The following SYNPR variants were observed in gnomAD, a reference collection of about 807,000 sequenced individuals.
SYNPR encodes synaptoporin.
SYNPR carries 23 observed loss-of-function variants against 32.9 expected under a neutral mutation model. That is an observed-to-expected ratio of 0.70 (90% CI 0.50 to 0.99). The LOEUF is 0.99. Among genes scored for constraint, SYNPR ranks in the 50% least tolerant of loss-of-function variants. SYNPR has a pLI of 0.00. For missense variants in SYNPR, 318 were observed against 349.3 expected (o/e 0.91, Z 0.71); for synonymous variants, 146 against 135.9 (o/e 1.07, Z -0.52).
chr3:63,614,264 A>T (rs994467093), intron 5 of SYNPR, among the ~76,000 whole-genome samples: 2 of 152,232 alleles, frequency 1.3e-5, no homozygotes, highest in African/African-American at 4.8e-5. Flanking sequence ...CTGTTAAAAC[A>T]GACTGCCTGT....
At chr3:63,556,507 C>T in intron 3 of SYNPR, 36 bp from the exon 4 acceptor site, 3 of 1,557,948 alleles carry the variant, frequency 1.9e-6, no homozygotes, top group Non-Finnish European at 2.6e-6. Flanking sequence ...GTCTCCATTG[C>T]ATTTAAAGAA....
At chr3:63,222,168 T>C in the SYNPR span, among the ~76,000 whole-genome samples, 12 of 151,978 alleles carry the variant, frequency 7.9e-5, no homozygotes, top group African/African-American at 2.9e-4. Flanking sequence ...ATTGAGCAAC[T>C]GTAAGCCTAA....
chr3:63,240,708 C>A (rs1249888874), intron 1 of SYNPR, among the ~76,000 whole-genome samples: 1 of 152,116 alleles, frequency 6.6e-6, no homozygotes. Flanking sequence ...AGGGCCATGA[C>A]CTGCACTGTG....
At chr3:63,523,101 G>A (rs1235543548) in intron 3 of SYNPR, among the ~76,000 whole-genome samples, 1 of 152,080 alleles carries the variant, frequency 6.6e-6, no homozygotes, top group Non-Finnish European at 1.5e-5. Context: ...AAAACAGTGG[G>A]AATTAGGGGA....
intron 2 of SYNPR, among the ~76,000 whole-genome samples, chr3:63,347,521 T>C (rs898154028): frequency 1.3e-5 from 2 of 152,154 alleles, no homozygotes; most frequent in Admixed American, 6.5e-5. Flanking sequence ...ACAAGTACAG[T>C]TTTGTTACAT....
At chr3:63,208,817 G>A in the SYNPR span, among the ~76,000 whole-genome samples, 1 of 152,114 alleles carries the variant, frequency 6.6e-6, no homozygotes, top group African/African-American at 2.4e-5. Flanking sequence ...GGCATAGCCG[G>A]TTAGTAAGAA....
chr3:63,239,477 A>C lies in SYNPR; in HGVS notation n.66+11097A>C, dbSNP rs1187841803. Among the ~76,000 whole-genome samples the C allele has an allele frequency of 4.7e-5, 7 of 149,506 alleles. 1 individual carries two copies. The highest frequency in any genetic ancestry group is 3.4e-3 in the Middle Eastern group (1 of 292). ...CATGAGTGCATGGTAGAATGGGCAC[A>C]TGACACACCTGACAATGGTAGAATG... On this transcript the variant is annotated intron_variant and non_coding_transcript_variant, in intron 1 of 4. Coordinates refer to the SYNPR transcript ENST00000478456.
At chr3:63,525,379 C>A (rs533984729) in intron 3 of SYNPR, among the ~76,000 whole-genome samples, 1 of 152,294 alleles carries the variant, frequency 6.6e-6, no homozygotes, top group African/African-American at 2.4e-5. Context: ...CAAATCTCTG[C>A]AGTTGAGGCC....
At chr3:63,603,346 G>T (rs1337571343) in intron 4 of SYNPR, among the ~76,000 whole-genome samples, 2 of 152,096 alleles carry the variant, frequency 1.3e-5, no homozygotes, top group Non-Finnish European at 2.9e-5. Flanking sequence ...TCTTTCTCTT[G>T]CCTGATTGCT....
At chr3:63,339,702 G>A (rs1236353463) in intron 2 of SYNPR, among the ~76,000 whole-genome samples, 3 of 150,742 alleles carry the variant, frequency 2.0e-5, no homozygotes, top group African/African-American at 4.9e-5. Context: ...CTGTCACCCA[G>A]GCTTGAGTGC....
At chr3:63,540,956 C>A (rs999496716) in intron 3 of SYNPR, among the ~76,000 whole-genome samples, 7 of 150,648 alleles carry the variant, frequency 4.6e-5, no homozygotes, top group Admixed American at 2.7e-4. Context: ...CACACACACA[C>A]ACACATATAC....
intron 2 of SYNPR, among the ~76,000 whole-genome samples, chr3:63,452,845 T>C (rs1384432110): frequency 6.6e-6 from 1 of 152,156 alleles, no homozygotes; most frequent in Non-Finnish European, 1.5e-5. Context: ...GTTTATGTCC[T>C]GGTAAATACT....
chr3:63,304,608 A>G (rs976464181), intron 2 of SYNPR, among the ~76,000 whole-genome samples: 2 of 151,968 alleles, frequency 1.3e-5, no homozygotes, highest in African/African-American at 4.8e-5. Flanking sequence ...AAATATCACA[A>G]GTGAGAATCA....
chr3:63,604,964 T>C (rs1053323267), intron 4 of SYNPR, among the ~76,000 whole-genome samples: 3 of 152,228 alleles, frequency 2.0e-5, no homozygotes, highest in African/African-American at 4.8e-5. Flanking sequence ...TAATGTTATA[T>C]ACATCAATAT....
intron 2 of SYNPR, among the ~76,000 whole-genome samples, chr3:63,281,243 G>A (rs574553749): frequency 3.3e-5 from 5 of 152,292 alleles, no homozygotes; most frequent in South Asian, 4.1e-4. Context: ...AGCAAAAATT[G>A]TAAACCGGTA....
At chr3:63,301,409 A>G (rs2086856261) in intron 2 of SYNPR, among the ~76,000 whole-genome samples, 1 of 152,128 alleles carries the variant, frequency 6.6e-6, no homozygotes, top group Admixed American at 6.6e-5. Context: ...AGTCCAAACT[A>G]CAGAACAAAA....
At chr3:63,363,529 T>A (rs1293096431) in intron 2 of SYNPR, among the ~76,000 whole-genome samples, 1 of 152,224 alleles carries the variant, frequency 6.6e-6, no homozygotes, top group Admixed American at 6.5e-5. Flanking sequence ...GTATTCATGA[T>A]CTGGCAGCTG....
At chr3:63,523,999 C>T (rs1701958638) in intron 3 of SYNPR, among the ~76,000 whole-genome samples, 1 of 151,998 alleles carries the variant, frequency 6.6e-6, no homozygotes, top group Non-Finnish European at 1.5e-5. Context: ...AATCCATCAT[C>T]TACCACATCC....
At chr3:63,240,402 T>G (rs924570450) in intron 1 of SYNPR, among the ~76,000 whole-genome samples, 1 of 152,066 alleles carries the variant, frequency 6.6e-6, no homozygotes, top group Non-Finnish European at 1.5e-5. Context: ...TGGAAAATGT[T>G]ACAGCATTCC....
Sources: gnomAD v4.1 joint callset for allele counts (sites outside exome capture counted in the v4.1 genomes callset) on GRCh38, gnomAD v4.1.1 for gene constraint, MANE v1.5 for transcripts, NCBI Gene and HGNC (gene_info 2026-07-23, HGNC 2026-07-21) for gene names.